FKBP5: variants seen among roughly 807,000 people sequenced by gnomAD.
FKBP5 encodes peptidyl-prolyl cis-trans isomerase FKBP5.
Under a neutral mutation model 50.5 loss-of-function variants are expected in FKBP5, and 23 were observed. The ratio of observed to expected loss-of-function variants is 0.46; its 90% CI spans 0.33 to 0.65. The LOEUF (loss-of-function observed/expected upper bound fraction) is 0.65, where lower values mean the gene tolerates loss of function less well. FKBP5 is among the 30% of genes least tolerant of loss of function. The pLI is 0.02. For missense variants in FKBP5, 411 were observed against 553.1 expected (o/e 0.74, Z 2.58); for synonymous variants, 176 against 190.6 (o/e 0.92, Z 0.63).
At chr6:35,642,864 T>C in intron 1 of FKBP5, 21 bp from the exon 2 acceptor site, 1 of 1,544,568 alleles carries the variant, frequency 6.5e-7, no homozygotes, top group Admixed American at 1.7e-5. Flanking sequence ...GAAAAATATT[T>C]TAGCTGGGAA....
At chr6:35,637,457 C>CTTTTTTTTTTTTTTTTTTTTTTTTTT (rs71002581) in intron 2 of FKBP5, among the ~76,000 whole-genome samples, 2 of 73,270 alleles carry the variant, frequency 2.7e-5, no homozygotes, top group Non-Finnish European at 5.0e-5. Context: ...ACAGTAAACT[C>CTTTTTTTTTTTTTTTTTTTTTTTTTT]TTTTTTTTTT....
intron 1 of FKBP5, among the ~76,000 whole-genome samples, chr6:35,652,911 T>G (rs1214367745): frequency 1.3e-5 from 2 of 152,142 alleles, no homozygotes. Context: ...AGCTTTAAAA[T>G]TTCTCTCTTT....
At chr6:35,668,468 A>G (rs1424952372) in intron 1 of FKBP5, among the ~76,000 whole-genome samples, 1 of 152,270 alleles carries the variant, frequency 6.6e-6, no homozygotes, top group African/African-American at 2.4e-5. Context: ...AATTGATTAT[A>G]ATTAAGTGAC....
chr6:35,632,591 T>C (rs1355776940), intron 3 of FKBP5, among the ~76,000 whole-genome samples: 1 of 151,908 alleles, frequency 6.6e-6, no homozygotes, highest in Non-Finnish European at 1.5e-5. Flanking sequence ...GAATAGAGTT[T>C]AAAAGATGGT....
chr6:35,597,107 T>C, intron 6 of FKBP5, 141 bp downstream of exon 6: 2 of 854,574 alleles, frequency 2.3e-6, no homozygotes, highest in Non-Finnish European at 3.8e-6. Context: ...TTAATTTACG[T>C]GATGACTAAC....
At chr6:35,676,284 G>A (rs1260323715) in intron 1 of FKBP5, among the ~76,000 whole-genome samples, 1 of 152,158 alleles carries the variant, frequency 6.6e-6, no homozygotes, top group South Asian at 2.1e-4. Flanking sequence ...TCTCCTAACC[G>A]CTATCGGAAA....
chr6:35,634,334 A>C (rs913593504), intron 3 of FKBP5, among the ~76,000 whole-genome samples: 19 of 152,290 alleles, frequency 1.2e-4, no homozygotes, highest in African/African-American at 4.3e-4. Context: ...AACAACAACA[A>C]CAACAAAATT....
intron 10 of FKBP5, 109 bp from the exon 11 acceptor site, chr6:35,576,051 T>G: frequency 1.3e-6 from 1 of 791,496 alleles, no homozygotes; most frequent in South Asian, 1.4e-5. Flanking sequence ...TGCAATGATT[T>G]TCTCTAGGAT....
chr6:35,679,377 A>G (rs1419164707), intron 1 of FKBP5, among the ~76,000 whole-genome samples: 1 of 152,244 alleles, frequency 6.6e-6, no homozygotes, highest in Non-Finnish European at 1.5e-5. Flanking sequence ...TAAACACCAT[A>G]GTGAAATGGA....
chr6:35,709,081 G>A (rs571592308), intron 2 of FKBP5, among the ~76,000 whole-genome samples: 25 of 152,212 alleles, frequency 1.6e-4, no homozygotes, highest in Middle Eastern at 6.8e-3. Context: ...CCTGAGACTG[G>A]GCAAGTTACT....
At chr6:35,663,083 A>G (rs764184395) in intron 1 of FKBP5, among the ~76,000 whole-genome samples, 21 of 152,328 alleles carry the variant, frequency 1.4e-4, no homozygotes, top group African/African-American at 4.8e-4. Flanking sequence ...AGAACACAGC[A>G]CGTTTCAAGC....
At position 35,716,257 on chromosome 6, in the gene FKBP5, T is replaced by A. The variant is rs574730417; in HGVS notation, c.-20+4071A>T. On this transcript the variant is annotated intron_variant, in intron 2 of 11. Coordinates refer to the FKBP5 transcript ENST00000536438. ...GTATGGTGGCACACACCCATAGTCC[T>A]AGGTACTCAAGAGGCCAAGGTGGGA... Among the ~76,000 whole-genome samples, 5 of 152,162 alleles carry A rather than the reference T, an allele frequency of 3.3e-5. No homozygotes were observed. The South Asian group carries it at 1.0e-3, about 32-fold the overall frequency.
At chr6:35,702,348 C>G (rs1300953382) in intron 2 of FKBP5, among the ~76,000 whole-genome samples, 1 of 133,802 alleles carries the variant, frequency 7.5e-6, no homozygotes, top group Non-Finnish European at 1.6e-5. Context: ...TCACATGTAC[C>G]CCGAACCTAC....
intron 3 of FKBP5, among the ~76,000 whole-genome samples, chr6:35,627,142 T>C (rs1764024793): frequency 6.6e-6 from 1 of 152,178 alleles, no homozygotes; most frequent in South Asian, 2.1e-4. Flanking sequence ...TCAACACTTG[T>C]TGTTTTCTCT....
intron 3 of FKBP5, among the ~76,000 whole-genome samples, chr6:35,621,247 C>T (rs998396976): frequency 6.6e-6 from 1 of 152,134 alleles, no homozygotes; most frequent in African/African-American, 2.4e-5. Context: ...TTTATAGTTC[C>T]TATGATGTGC....
chr6:35,714,289 T>G (rs1766472188), intron 2 of FKBP5, among the ~76,000 whole-genome samples: 1 of 140,096 alleles, frequency 7.1e-6, no homozygotes, highest in Admixed American at 7.3e-5. Flanking sequence ...CCGTCTCTAC[T>G]AAAAATACAA....
intron 3 of FKBP5, among the ~76,000 whole-genome samples, chr6:35,630,726 T>TG (rs1764129579): frequency 2.0e-5 from 3 of 152,208 alleles, no homozygotes; most frequent in Non-Finnish European, 4.4e-5. Context: ...TTGGGCAATT[T>TG]ACCGAGCTTC....
chr6:35,577,707 G>A (rs1762265832), intron 9 of FKBP5, among the ~76,000 whole-genome samples: 2 of 152,226 alleles, frequency 1.3e-5, no homozygotes, highest in Admixed American at 1.3e-4. Flanking sequence ...ATGTGAATCA[G>A]TGGAGAGTTA....
chr6:35,725,036 T>C (rs1481186071), intron 1 of FKBP5, among the ~76,000 whole-genome samples: 2 of 152,060 alleles, frequency 1.3e-5, no homozygotes, highest in Non-Finnish European at 1.5e-5. Flanking sequence ...ATATAAGCAA[T>C]CAAGATTAGC....
Sources: allele counts gnomAD v4.1 joint callset (sites outside exome capture counted in the v4.1 genomes callset), GRCh38; gene constraint gnomAD v4.1.1; transcripts MANE v1.5; gene names NCBI Gene and HGNC (gene_info 2026-07-23, HGNC 2026-07-21).